The following DCX variants were observed in gnomAD, a reference collection of about 807,000 sequenced individuals.
DCX encodes the protein doublecortin, also known as neuronal migration protein doublecortin.
DCX carries 4 observed loss-of-function variants against 20.9 expected under a neutral mutation model. The ratio of observed to expected loss-of-function variants is 0.19; its 90% CI spans 0.09 to 0.44. DCX has a LOEUF of 0.44. Ranked by LOEUF, DCX falls within the 20% of genes least tolerant of loss-of-function variation. DCX has a pLI of 0.99. For synonymous variants in DCX, 103 were observed against 111.4 expected, an observed-to-expected ratio of 0.92 and a Z score of 0.47; for missense variants, 133 against 296.9, an observed-to-expected ratio of 0.45 and a Z score of 4.06.
chrX:111,334,585 G>C (rs992424183), intron 3 of DCX, among the ~76,000 whole-genome samples: 1 of 112,223 alleles, frequency 8.9e-6, no homozygotes, highest in South Asian at 3.7e-4. Context: ...TACTATTTTA[G>C]GCTTGAGAAA....
At chrX:111,356,327 T>C (rs1923729934) in intron 3 of DCX, among the ~76,000 whole-genome samples, 1 of 112,374 alleles carries the variant, frequency 8.9e-6, no homozygotes, top group African/African-American at 3.2e-5. Flanking sequence ...CATTAACCCC[T>C]CACAGCACTC....
rs185278285 is a variant in DCX, at chrX:111,347,608, G to A, written c.706-14455C>T. The stretch of plus-strand genomic sequence containing the variant: ...TCTGGGAATTCCCAGCCCCTGTGCA[G>A]CCAGTTTACCTATTCCTATAGCAAG... On this transcript the variant is annotated intron_variant, in intron 3 of 6. Coordinates refer to ENST00000636035, the MANE Select transcript of DCX (RefSeq NM_001195553.2). 1.7e-3 allele frequency among the ~76,000 whole-genome samples: 189 copies of A among 111,061 alleles called. 1 individual carries two copies. The highest frequency in any genetic ancestry group is 2.8e-3 in the Admixed American group (29 of 10,436).
intron 2 of DCX, 143 bp downstream of exon 2, chrX:111,409,892 T>A: frequency 1.3e-6 from 1 of 786,970 alleles, no homozygotes; most frequent in Non-Finnish European, 1.9e-6. Flanking sequence ...TGTTGATGTC[T>A]ATAGCATTAG....
intron 5 of DCX, among the ~76,000 whole-genome samples, chrX:111,327,664 C>T (rs999483145): frequency 7.1e-5 from 8 of 111,951 alleles, no homozygotes; most frequent in Admixed American, 3.8e-4. Context: ...TAGGAAGTGG[C>T]GTAGCTGGGA....
intron 6 of DCX, among the ~76,000 whole-genome samples, chrX:111,309,858 T>A (rs955451105): frequency 8.9e-6 from 1 of 111,821 alleles, no homozygotes; most frequent in East Asian, 2.8e-4. Context: ...TTAAAGCAAT[T>A]GATAAAGTTT....
At chrX:111,321,890 G>T (rs1463857245) in intron 5 of DCX, among the ~76,000 whole-genome samples, 8 of 112,026 alleles carry the variant, frequency 7.1e-5, no homozygotes, top group Non-Finnish European at 5.6e-5. Flanking sequence ...GGGACAGCTT[G>T]GCATCTACTT....
intron 3 of DCX, among the ~76,000 whole-genome samples, chrX:111,368,462 C>T (rs1043868186): frequency 9.0e-6 from 1 of 111,606 alleles, no homozygotes; most frequent in African/African-American, 3.3e-5. Flanking sequence ...CCCTATGCTT[C>T]ATTAATAATA....
intron 3 of DCX, among the ~76,000 whole-genome samples, chrX:111,361,386 T>A (rs1924195184): frequency 8.9e-6 from 1 of 112,265 alleles, no homozygotes; most frequent in African/African-American, 3.2e-5. Flanking sequence ...GGAATTTTTG[T>A]TTTGCATGGG....
intron 2 of DCX, among the ~76,000 whole-genome samples, chrX:111,406,934 T>C (rs778575568): frequency 4.5e-5 from 5 of 112,345 alleles, no homozygotes; most frequent in Admixed American, 1.9e-4. Flanking sequence ...AATTTCATGT[T>C]ATGCAAATTA....
rs750838348 is a variant in DCX at position 111,393,930 on chromosome X, C to T, written c.705+7060G>A. 2.7e-5 allele frequency among the ~76,000 whole-genome samples: 3 copies of T among 111,040 alleles called. No individual in the cohort carries two copies. The East Asian group carries it at 8.5e-4, about 32-fold the overall frequency. Reference sequence around the variant, plus strand: ...AAAATGGTGCAGCCACTTTGGAAAACCATTTGACAGTTTCATAAAATTTTA... The same window carrying T: ...AAAATGGTGCAGCCACTTTGGAAAATCATTTGACAGTTTCATAAAATTTTA... On this transcript the variant is annotated intron_variant, in intron 3 of 6. Transcript: ENST00000636035.
At chrX:111,320,512 G>A (rs993431761) in intron 5 of DCX, among the ~76,000 whole-genome samples, 24 of 111,296 alleles carry the variant, frequency 2.2e-4, no homozygotes, top group Non-Finnish European at 4.3e-4. Flanking sequence ...TCTTGTCTCT[G>A]AGCTTTCATT....
intron 4 of DCX, among the ~76,000 whole-genome samples, chrX:111,332,699 G>T (rs1460337658): frequency 1.8e-5 from 2 of 111,927 alleles, no homozygotes; most frequent in African/African-American, 6.5e-5. Flanking sequence ...GTTGAATGGA[G>T]AAAAAAGGAT....
chrX:111,312,776 C>G, intron 5 of DCX, 40 bp from the exon 6 acceptor site: 1 of 1,165,638 alleles, frequency 8.6e-7, no homozygotes, highest in Non-Finnish European at 1.2e-6. Context: ...TAAAAATCAA[C>G]AGCATACAAA....
In DCX at chrX:111,330,903, C is replaced by T. The variant is rs1921156455; in HGVS notation, c.946+1G>A. 8.3e-7 allele frequency: 1 copy of T among 1,210,168 alleles called. No homozygotes were observed. The highest frequency in any genetic ancestry group is 1.1e-6 in the Non-Finnish European group (1 of 895,105). ...TGCACAGTTAGGAAAAGAGCACTCACCGTCTTGGTCGTTACCTGAGTCAGC... is the reference window on the plus strand; with the variant it reads ...TGCACAGTTAGGAAAAGAGCACTCATCGTCTTGGTCGTTACCTGAGTCAGC... On this transcript the variant is annotated splice_donor_variant, in intron 5 of 6. Transcript: ENST00000636035. LOFTEE classifies it high-confidence loss of function.
chrX:111,403,061 G>A, intron 2 of DCX, among the ~76,000 whole-genome samples: 1 of 110,850 alleles, frequency 9.0e-6, no homozygotes, highest in Non-Finnish European at 1.9e-5. Flanking sequence ...GTAATTATAG[G>A]CTGGGGTCTT....
At chrX:111,389,588 C>T (rs1376630512) in intron 3 of DCX, among the ~76,000 whole-genome samples, 1 of 111,747 alleles carries the variant, frequency 8.9e-6, no homozygotes, top group Non-Finnish European at 1.9e-5. Flanking sequence ...TGTGGTGAGA[C>T]ACGCTTGTAG....
intron 3 of DCX, among the ~76,000 whole-genome samples, chrX:111,400,180 G>C (rs1351334260): frequency 8.9e-6 from 1 of 111,965 alleles, no homozygotes; most frequent in East Asian, 2.8e-4. Context: ...ACCAGCCACT[G>C]TTCCAATTCC....
chrX:111,380,437 T>C (rs1196467191), intron 3 of DCX, among the ~76,000 whole-genome samples: 4 of 111,672 alleles, frequency 3.6e-5, no homozygotes, highest in African/African-American at 1.3e-4. Context: ...CTTTTTTCCC[T>C]ATTGAATTAC....
chrX:111,325,211 T>C (rs1264079570), intron 5 of DCX, among the ~76,000 whole-genome samples: 2 of 111,197 alleles, frequency 1.8e-5, no homozygotes, highest in East Asian at 5.7e-4. Context: ...ACCCACCCCT[T>C]GCCTTTCCAC....
Sources: allele counts gnomAD v4.1 joint callset (sites outside exome capture counted in the v4.1 genomes callset), GRCh38; gene constraint gnomAD v4.1.1; transcripts MANE v1.5; gene names NCBI Gene and HGNC (gene_info 2026-07-23, HGNC 2026-07-21).